MREG: variants seen among roughly 807,000 people sequenced by gnomAD.
MREG encodes melanoregulin, also known as dilute suppressor protein homolog.
MREG carries 31 observed loss-of-function variants against 28.5 expected under a neutral mutation model. The ratio of observed to expected loss-of-function variants is 1.09; its 90% CI spans 0.82 to 1.47. MREG has a LOEUF of 1.47. Among genes scored for constraint, MREG ranks in the 40% most tolerant of loss-of-function variants. The pLI is 0.00. For missense variants in MREG, 256 were observed against 257.4 expected, an observed-to-expected ratio of 0.99 and a Z score of 0.04; for synonymous variants, 106 against 95.2, an observed-to-expected ratio of 1.11 and a Z score of -0.66.
intron 1 of MREG, among the ~76,000 whole-genome samples, chr2:216,002,704 C>T (rs76017907): frequency 0.024 from 3,711 of 152,266 alleles, 139 homozygotes; most frequent in African/African-American, 0.081. Context: ...TTGAGACCTC[C>T]CTGGGATGGA....
chr2:216,005,961 T>C (rs1694144305), intron 1 of MREG, among the ~76,000 whole-genome samples: 1 of 151,316 alleles, frequency 6.6e-6, no homozygotes, highest in Non-Finnish European at 1.5e-5. Context: ...CACAAAAGAA[T>C]AGAGTGCATG....
downstream of MREG, among the ~76,000 whole-genome samples, chr2:215,940,292 C>A (rs917687167): frequency 1.3e-5 from 2 of 152,170 alleles, no homozygotes; most frequent in Admixed American, 1.3e-4. Flanking sequence ...CATTTTCATC[C>A]TGTACGTAGT....
At chr2:215,939,920 A>T (rs559241691), downstream of MREG, among the ~76,000 whole-genome samples, 1 of 152,220 alleles carries the variant, frequency 6.6e-6, no homozygotes, top group Non-Finnish European at 1.5e-5. Context: ...ATGTTTTTTT[A>T]AAAAGTAATG....
At chr2:216,020,336 G>A (rs1171610544) in intron 1 of MREG, among the ~76,000 whole-genome samples, 1 of 152,134 alleles carries the variant, frequency 6.6e-6, no homozygotes, top group Admixed American at 6.5e-5. Flanking sequence ...ATAAAGATTG[G>A]TCTCTTTTCA....
At chr2:215,983,004 C>A (rs184883902) in intron 2 of MREG, among the ~76,000 whole-genome samples, 2 of 152,288 alleles carry the variant, frequency 1.3e-5, no homozygotes, top group East Asian at 3.9e-4. Context: ...TCTCTCCCTC[C>A]ACCCTGCCCC....
At chr2:215,963,091 G>A (rs1692834537) in intron 2 of MREG, among the ~76,000 whole-genome samples, 1 of 152,102 alleles carries the variant, frequency 6.6e-6, no homozygotes, top group Non-Finnish European at 1.5e-5. Flanking sequence ...TCACGCCACT[G>A]CACTCCAGTC....
At chr2:216,006,664 C>T (rs2106028729) in intron 1 of MREG, among the ~76,000 whole-genome samples, 1 of 152,342 alleles carries the variant, frequency 6.6e-6, no homozygotes, top group East Asian at 1.9e-4. Flanking sequence ...TCTGAGAAAT[C>T]TCACTGACAT....
At chr2:216,025,269 A>G (rs531217841) in intron 1 of MREG, among the ~76,000 whole-genome samples, 2 of 152,332 alleles carry the variant, frequency 1.3e-5, no homozygotes, top group South Asian at 2.1e-4. Context: ...TCTCGACAGG[A>G]CAAAAATTGT....
upstream of MREG, among the ~76,000 whole-genome samples, chr2:216,016,377 C>T (rs1370701938): frequency 6.6e-6 from 1 of 152,116 alleles, no homozygotes; most frequent in Non-Finnish European, 1.5e-5. Flanking sequence ...AAAGGAGGGT[C>T]CCAAAATGTG....
chr2:215,999,627 T>C (rs535307930), intron 1 of MREG, among the ~76,000 whole-genome samples: 29 of 152,244 alleles, frequency 1.9e-4, no homozygotes, highest in African/African-American at 6.7e-4. Context: ...CATTCTGAAA[T>C]TATGATTGAG....
upstream of MREG, chr2:216,013,579 T>G: frequency 1.3e-5 from 2 of 157,244 alleles, no homozygotes; most frequent in East Asian, 1.8e-4. Context: ...CCTCTTTTAA[T>G]TCCCCGAGCG....
At chr2:215,960,441 C>T (rs770134915) in intron 2 of MREG, among the ~76,000 whole-genome samples, 35 of 152,148 alleles carry the variant, frequency 2.3e-4, no homozygotes, top group Non-Finnish European at 4.4e-4. Flanking sequence ...TGGCTGTGCT[C>T]GAGTGCCTAT....
At chr2:215,988,870 A>T (rs2372680) in intron 2 of MREG, among the ~76,000 whole-genome samples, 28,596 of 152,168 alleles carry the variant, frequency 0.19, 3,499 homozygotes, top group East Asian at 0.37. Flanking sequence ...AGGGCATATC[A>T]GAAAGAAAGG....
chr2:216,011,343 A>G (rs977607530), intron 1 of MREG, among the ~76,000 whole-genome samples: 3 of 152,210 alleles, frequency 2.0e-5, no homozygotes, highest in African/African-American at 7.2e-5. Flanking sequence ...GAATGACACC[A>G]AACCACATGA....
chr2:215,954,237 G>C (rs1692559447), intron 2 of MREG, among the ~76,000 whole-genome samples: 1 of 152,150 alleles, frequency 6.6e-6, no homozygotes, highest in South Asian at 2.1e-4. Context: ...CTCTTATGAA[G>C]ACAGGTTGAA....
rs945992967 is a variant in MREG at position 215,944,053 on chromosome 2, C to T, written c.*810G>A. 5 of 128,748 alleles carry T rather than the reference C, an allele frequency of 3.9e-5. No homozygotes were observed. The East Asian group carries it at 1.1e-3, about 27-fold the overall frequency. The allele number at this position is 128,748 out of a possible 1,614,324, so 8.0% of individuals were successfully genotyped here. ...GGAGTGCAATGGTGCAATCTCGGCT[C>T]ACTGTAACCTCCACTGCCCGGGCTC... On this transcript the variant is annotated 3_prime_UTR_variant, in exon 5 of 5. Coordinates refer to ENST00000263268, the MANE Select transcript of MREG (RefSeq NM_018000.3).
At chr2:215,949,184 A>T (rs1270686583) in intron 2 of MREG, among the ~76,000 whole-genome samples, 1 of 151,366 alleles carries the variant, frequency 6.6e-6, no homozygotes, top group East Asian at 1.9e-4. Flanking sequence ...AATCACTTCA[A>T]CTCAGGAGGC....
At chr2:215,950,720 T>C (rs1199918455) in intron 2 of MREG, among the ~76,000 whole-genome samples, 1 of 152,186 alleles carries the variant, frequency 6.6e-6, no homozygotes, top group Non-Finnish European at 1.5e-5. Context: ...TAACTAAGAA[T>C]AGACACTTGA....
chr2:215,993,783 C>T (rs930897887), intron 2 of MREG, among the ~76,000 whole-genome samples: 9 of 152,146 alleles, frequency 5.9e-5, no homozygotes, highest in Admixed American at 2.6e-4. Flanking sequence ...CAAAAGAAGA[C>T]ATTTGTGCGG....
Sources: gnomAD v4.1 joint callset for allele counts (sites outside exome capture counted in the v4.1 genomes callset) on GRCh38, gnomAD v4.1.1 for gene constraint, MANE v1.5 for transcripts, NCBI Gene and HGNC (gene_info 2026-07-23, HGNC 2026-07-21) for gene names.